MYOM2: variants seen among roughly 807,000 people sequenced by gnomAD.
The protein encoded by MYOM2 is myomesin-2.
A neutral mutation model predicts 187.6 loss-of-function variants in MYOM2; 254 were observed. The observed-to-expected ratio is 1.35, with a 90% CI of 1.22 to 1.50. The LOEUF (loss-of-function observed/expected upper bound fraction) is 1.50, where lower values mean the gene tolerates loss of function less well. Ranked by LOEUF, MYOM2 falls within the 40% of genes most tolerant of loss-of-function variation. The pLI is 0.00. For missense variants in MYOM2, 2,796 were observed against 1,924.0 expected (o/e 1.45, Z -8.48); for synonymous variants, 981 against 753.8 (o/e 1.30, Z -4.94).
At chr8:2,061,421 C>T (rs949861560) in intron 6 of MYOM2, among the ~76,000 whole-genome samples, 9 of 152,190 alleles carry the variant, frequency 5.9e-5, no homozygotes, top group African/African-American at 2.2e-4. Flanking sequence ...TGTCTGGCTC[C>T]TGCCCTGTGC....
rs149971827 is a variant in MYOM2, at chr8:2,057,770, G to A, written c.550G>A (p.Val184Met). 3.7e-4 allele frequency: 603 copies of A among 1,614,038 alleles called. 1 individual carries two copies. In the African/African-American group the frequency reaches 7.1e-3, roughly 19 times the overall value. The change falls in exon 5 of 37, where the codon GTG becomes ATG. Residue 184 changes from valine (V) to methionine (M), a missense_variant. Val to Met is a conservative substitution (Grantham distance 21). Transcript: ENST00000262113. ...CACCGTGCAAGGATTTCCCACGCCC[G>A]TGGTGCAGTGGTGAGGGGCTCTGTT... Reference protein sequence around the residue: ...CFTVQGFPTPVVQWYKDGSLI... With the variant: ...CFTVQGFPTPMVQWYKDGSLI...
At chr8:2,104,671 C>T (rs1166989013) in intron 21 of MYOM2, among the ~76,000 whole-genome samples, 2 of 152,046 alleles carry the variant, frequency 1.3e-5, no homozygotes, top group African/African-American at 4.8e-5. Context: ...CTAAGAAGCA[C>T]AGTGCCGGGA....
At chr8:2,103,796 G>A (rs567384987) in intron 21 of MYOM2, among the ~76,000 whole-genome samples, 3 of 151,812 alleles carry the variant, frequency 2.0e-5, no homozygotes, top group African/African-American at 7.3e-5. Flanking sequence ...GTGTATGTAT[G>A]TATAGGTATA....
intron 18 of MYOM2, 56 bp from the exon 19 acceptor site, chr8:2,098,801 A>G: frequency 6.5e-7 from 1 of 1,531,860 alleles, no homozygotes; most frequent in Non-Finnish European, 8.9e-7. Flanking sequence ...CCTCCCCCTC[A>G]GTGGGCTGTA....
At position 2,143,410 on chromosome 8, in the gene MYOM2, G is replaced by A; in HGVS notation, c.4034G>A (p.Arg1345Lys). 1.2e-6 allele frequency: 2 copies of A among 1,614,216 alleles called. No individual in the cohort carries two copies. The highest frequency in any genetic ancestry group is 1.7e-6 in the Non-Finnish European group (2 of 1,180,042). ...AAAFAEKNRG[R>K]LIGGLPDVVT... ...TGCTTTCCCGTTGCAGATCGTGGCA[G>A]GTTGATCGGCGGCTTGCCTGACGTG... Residue 1345 changes from arginine to lysine, a missense_variant, in exon 36 of 37, where the codon AGG becomes AAG. Physicochemically the swap from Arg to Lys is conservative, Grantham distance 26 (BLOSUM62 2). Coordinates refer to ENST00000262113, the MANE Select transcript of MYOM2 (RefSeq NM_003970.4).
At chr8:2,100,060 CCTTCCTTCTTTCCTTCCTTT>C (rs1563054915) in intron 19 of MYOM2, among the ~76,000 whole-genome samples, 5 of 117,302 alleles carry the variant, frequency 4.3e-5, no homozygotes, top group African/African-American at 1.4e-4. Context: ...TTCCTTCCTT[CCTTCCTTCTTTCCTTCCTTT>C]CTTCTTTCCT....
At chr8:2,143,632 C>T (rs957776324) in intron 36 of MYOM2, among the ~76,000 whole-genome samples, 176 bp downstream of exon 36, 3 of 152,104 alleles carry the variant, frequency 2.0e-5, no homozygotes, top group African/African-American at 7.2e-5. Context: ...CTTGGAATAG[C>T]CCCTGTATTC....
In MYOM2 at chr8:2,050,900, C is replaced by T. The variant is rs775049272; in HGVS notation, c.107+27C>T. The T allele has an allele frequency of 1.9e-5, 29 of 1,546,226 alleles. No homozygotes were observed. In the African/African-American group the frequency reaches 2.6e-4, roughly 14 times the overall value. The stretch of plus-strand genomic sequence containing the variant: ...TAAGCTGACATTCGCTGATGAGACG[C>T]GCAGAGCTTTGATTATGGGGGTCTG... On this transcript the variant is annotated intron_variant, in intron 2 of 36. Transcript: ENST00000262113.
intron 32 of MYOM2, among the ~76,000 whole-genome samples, chr8:2,130,609 C>G (rs190851747): frequency 2.7e-4 from 41 of 152,296 alleles, no homozygotes; most frequent in Non-Finnish European, 3.5e-4. Context: ...TCAATTTTGA[C>G]ATAGTGTGCT....
At chr8:2,131,058 G>C (rs1797847434) in intron 32 of MYOM2, among the ~76,000 whole-genome samples, 1 of 152,158 alleles carries the variant, frequency 6.6e-6, no homozygotes, top group Non-Finnish European at 1.5e-5. Flanking sequence ...AGCCTTGTGT[G>C]GTTTGTAGTA....
chr8:2,073,523 G>T lies in MYOM2; in HGVS notation c.1120+23G>T. 2 of 1,571,806 alleles carry T rather than the reference G, an allele frequency of 1.3e-6. 1 individual carries two copies. Among genetic ancestry groups the T allele is most frequent in the South Asian group, 2.3e-5 (2 of 88,694 alleles). On this transcript the variant is annotated intron_variant, in intron 10 of 36. Coordinates refer to ENST00000262113, the MANE Select transcript of MYOM2 (RefSeq NM_003970.4). ...GAGGTGCGGGCAGCAGGGTTCTCAG[G>T]GTGCAGACCTTGTGTGTGCCCGGGG...
intron 2 of MYOM2, among the ~76,000 whole-genome samples, chr8:2,051,108 G>A (rs918587576): frequency 1.1e-4 from 17 of 152,276 alleles, no homozygotes; most frequent in African/African-American, 2.9e-4. Context: ...AGGTGGGGAG[G>A]CAGGAAGTCC....
At chr8:2,141,656 G>A (rs1294049407) in intron 34 of MYOM2, among the ~76,000 whole-genome samples, 4 of 152,146 alleles carry the variant, frequency 2.6e-5, no homozygotes, top group African/African-American at 9.7e-5. Flanking sequence ...TTATCTCAGG[G>A]TTGGAATGTT....
chr8:2,084,778 T>C (rs1484511666), intron 13 of MYOM2, among the ~76,000 whole-genome samples: 4 of 152,100 alleles, frequency 2.6e-5, no homozygotes, highest in Non-Finnish European at 5.9e-5. Context: ...AGGCAAGGTG[T>C]TTTAGAAGTA....
intron 18 of MYOM2, 68 bp downstream of exon 18, chr8:2,096,502 T>C (rs1180937841): frequency 6.9e-7 from 1 of 1,457,026 alleles, no homozygotes; most frequent in Non-Finnish European, 9.4e-7. Flanking sequence ...GCAATGTTTC[T>C]GCGTTTGATG....
intron 9 of MYOM2, 68 bp from the exon 10 acceptor site, chr8:2,073,271 T>TCC: frequency 6.5e-7 from 1 of 1,526,794 alleles, no homozygotes; most frequent in Non-Finnish European, 8.9e-7. Context: ...GACGCTGGTG[T>TCC]CCCCGAGGCT....
intron 9 of MYOM2, 91 bp downstream of exon 9, chr8:2,072,600 C>G: frequency 9.8e-6 from 14 of 1,434,240 alleles, no homozygotes; most frequent in Admixed American, 2.2e-5. Context: ...TGGCTTTTGT[C>G]TCTACCACTG....
intron 1 of MYOM2, among the ~76,000 whole-genome samples, chr8:2,050,065 C>G (rs1373191757): frequency 6.6e-6 from 1 of 152,146 alleles, no homozygotes; most frequent in Non-Finnish European, 1.5e-5. Context: ...TTTCCACATC[C>G]CCCTTTGCAT....
intron 32 of MYOM2, among the ~76,000 whole-genome samples, chr8:2,136,867 C>T (rs991646887): frequency 3.9e-5 from 6 of 152,148 alleles, no homozygotes; most frequent in South Asian, 4.1e-4. Context: ...ACATAAACGC[C>T]GCAAAGGCTA....
Sources: gnomAD v4.1 joint callset for allele counts (sites outside exome capture counted in the v4.1 genomes callset) on GRCh38, gnomAD v4.1.1 for gene constraint, MANE v1.5 for transcripts, NCBI Gene and HGNC (gene_info 2026-07-23, HGNC 2026-07-21) for gene names.